Variants in SUSD1 observed in about 807,000 individuals in gnomAD.
The protein encoded by SUSD1 is sushi domain containing 1.
In SUSD1, 65 loss-of-function variants were observed where a neutral mutation model predicts 86.9. That is an observed-to-expected ratio of 0.75 (90% CI 0.61 to 0.92). The LOEUF (loss-of-function observed/expected upper bound fraction) is 0.92. Among genes scored for constraint, SUSD1 ranks in the 40% least tolerant of loss-of-function variants. SUSD1 has a pLI of 0.00. For missense variants in SUSD1, 850 were observed against 929.7 expected (o/e 0.91, Z 1.11); for synonymous variants, 346 against 350.0 (o/e 0.99, Z 0.13).
At chr9:112,116,324 C>A (rs1447057934) in intron 6 of SUSD1, among the ~76,000 whole-genome samples, 1 of 152,184 alleles carries the variant, frequency 6.6e-6, no homozygotes, top group Non-Finnish European at 1.5e-5. Flanking sequence ...TCCCAGGGAG[C>A]AGTTTAACAA....
At chr9:112,114,761 T>C (rs1331729752) in intron 6 of SUSD1, among the ~76,000 whole-genome samples, 1 of 152,106 alleles carries the variant, frequency 6.6e-6, no homozygotes, top group Non-Finnish European at 1.5e-5. Context: ...GCACATGCCA[T>C]CTGGAAGTGC....
At chr9:112,157,904 G>A (rs138916406) in intron 1 of SUSD1, among the ~76,000 whole-genome samples, 282 of 149,640 alleles carry the variant, frequency 1.9e-3, no homozygotes, top group African/African-American at 6.6e-3. Context: ...GCTCGCTGCA[G>A]CCTCAACCTC....
In SUSD1 at chr9:112,143,550, T is replaced by A; in HGVS notation, c.447A>T (p.Glu149Asp). 6.2e-7 allele frequency: 1 copy of A among 1,614,072 alleles called. No individual in the cohort carries two copies. The highest frequency in any genetic ancestry group is 8.5e-7 in the Non-Finnish European group (1 of 1,180,020). The stretch of plus-strand genomic sequence containing the variant: ...GCAAGTATCCATCCATACAGTAGCA[T>A]TCAAAGCTCCCATGAGTGTTCACGC... Reference protein sequence around the residue: ...GRCVNTHGSFECYCMDGYLPR... With the variant: ...GRCVNTHGSFDCYCMDGYLPR... Residue 149 changes from glutamate to aspartate, a missense_variant, in exon 4 of 17, where the codon GAA becomes GAT. Coordinates refer to ENST00000374270, the MANE Select transcript of SUSD1 (RefSeq NM_022486.5).
chr9:112,162,218 A>G (rs1833602246), intron 1 of SUSD1, among the ~76,000 whole-genome samples: 1 of 152,242 alleles, frequency 6.6e-6, no homozygotes, highest in Non-Finnish European at 1.5e-5. Context: ...CTGATAATAT[A>G]TGGTACACAA....
At chr9:112,058,325 A>T in intron 14 of SUSD1, 103 bp downstream of exon 14, 1 of 1,388,056 alleles carries the variant, frequency 7.2e-7, no homozygotes, top group South Asian at 1.5e-5. Flanking sequence ...TGATTGTTAC[A>T]TGCAGTGACC....
chr9:112,081,044 A>G (rs1326327674), intron 10 of SUSD1, among the ~76,000 whole-genome samples: 1 of 152,218 alleles, frequency 6.6e-6, no homozygotes, highest in African/African-American at 2.4e-5. Flanking sequence ...TTCAGATCTG[A>G]TACAGTTTAA....
intron 10 of SUSD1, among the ~76,000 whole-genome samples, chr9:112,082,304 C>G (rs1829801513): frequency 6.6e-6 from 1 of 152,190 alleles, no homozygotes; most frequent in Non-Finnish European, 1.5e-5. Flanking sequence ...CCCCCACCCG[C>G]CACCAGCATG....
At chr9:112,139,652 C>A (rs932193886) in intron 5 of SUSD1, among the ~76,000 whole-genome samples, 1 of 151,904 alleles carries the variant, frequency 6.6e-6, no homozygotes, top group African/African-American at 2.4e-5. Context: ...CTGCCTGGGC[C>A]TCCCAGAGTG....
intron 12 of SUSD1, among the ~76,000 whole-genome samples, chr9:112,074,372 G>A (rs555884728): frequency 3.0e-4 from 45 of 152,200 alleles, no homozygotes; most frequent in African/African-American, 8.4e-4. Flanking sequence ...TCAATGTGCC[G>A]TCTGCAGCCT....
intron 10 of SUSD1, among the ~76,000 whole-genome samples, chr9:112,092,758 A>C (rs1830252705): frequency 6.6e-6 from 1 of 152,226 alleles, no homozygotes; most frequent in Admixed American, 6.5e-5. Flanking sequence ...AATGTAATGA[A>C]TCACAATGGA....
At chr9:112,167,002 T>C (rs189983231) in intron 1 of SUSD1, among the ~76,000 whole-genome samples, 13 of 152,292 alleles carry the variant, frequency 8.5e-5, no homozygotes, top group Admixed American at 8.5e-4. Flanking sequence ...CAGCTAAAAC[T>C]ACACCTAACA....
At chr9:112,082,868 C>G (rs1009247821) in intron 10 of SUSD1, among the ~76,000 whole-genome samples, 18 of 152,170 alleles carry the variant, frequency 1.2e-4, no homozygotes, top group Admixed American at 9.8e-4. Flanking sequence ...CGGGCACACA[C>G]CACCACGTCC....
chr9:112,117,975 G>C (rs1831399076), intron 6 of SUSD1, among the ~76,000 whole-genome samples: 2 of 152,304 alleles, frequency 1.3e-5, no homozygotes, highest in South Asian at 4.1e-4. Context: ...GAGCATAGGA[G>C]GGGAGGGAAT....
chr9:112,109,795 C>A (rs549958378), intron 8 of SUSD1, among the ~76,000 whole-genome samples: 47 of 152,318 alleles, frequency 3.1e-4, no homozygotes, highest in Admixed American at 2.7e-3. Context: ...TTTTGTAAGA[C>A]TTCTCTGATT....
chr9:112,174,925 G>A, intron 1 of SUSD1, among the ~76,000 whole-genome samples: 1 of 151,394 alleles, frequency 6.6e-6, no homozygotes, highest in East Asian at 2.0e-4. Context: ...GGGTCGGGCG[G>A]GGGCAGGGAA....
chr9:112,107,049 G>A (rs1337156834), intron 8 of SUSD1, among the ~76,000 whole-genome samples: 1 of 151,524 alleles, frequency 6.6e-6, no homozygotes, highest in African/African-American at 2.4e-5. Context: ...AGGATCCCTT[G>A]AGGCCAGGAG....
chr9:112,098,546 A>ATC lies in SUSD1; in HGVS notation c.1396_1397dup (p.Asp466GlufsTer5). The ATC allele has an allele frequency of 1.2e-6, 2 of 1,614,210 alleles. No individual in the cohort carries two copies. The highest frequency in any genetic ancestry group is 1.7e-6 in the Non-Finnish European group (2 of 1,180,016). On this transcript the variant is annotated frameshift_variant, in exon 10 of 17. Coordinates refer to ENST00000374270, the MANE Select transcript of SUSD1 (RefSeq NM_022486.5). LOFTEE classifies it high-confidence loss of function. ...TCAGCAGGGTCACATTCACCGTATA[A>ATC]TCAGTCGTAGGGTACAGATCCAAAC... is the stretch of plus-strand genomic sequence containing the variant.
At chr9:112,172,709 A>C (rs564560412) in intron 1 of SUSD1, among the ~76,000 whole-genome samples, 1 of 152,214 alleles carries the variant, frequency 6.6e-6, no homozygotes, top group East Asian at 1.9e-4. Context: ...CATATCTGTT[A>C]TTAAATCCTT....
At chr9:112,162,112 A>G (rs934071448) in intron 1 of SUSD1, among the ~76,000 whole-genome samples, 1 of 152,256 alleles carries the variant, frequency 6.6e-6, no homozygotes, top group Non-Finnish European at 1.5e-5. Flanking sequence ...TTAAGTGTGC[A>G]GTTTCAGTGG....
Sources: gnomAD v4.1 joint callset for allele counts (sites outside exome capture counted in the v4.1 genomes callset) on GRCh38, gnomAD v4.1.1 for gene constraint, MANE v1.5 for transcripts, NCBI Gene and HGNC (gene_info 2026-07-23, HGNC 2026-07-21) for gene names.